Variants in DIDO1 observed in about 807,000 individuals in gnomAD.
DIDO1 encodes the protein death inducer-obliterator 1, also known as death-inducer obliterator 1.
Under a neutral mutation model 99.4 loss-of-function variants are expected in DIDO1, and 16 were observed. That is an observed-to-expected ratio of 0.16 (90% CI 0.11 to 0.24). The LOEUF (loss-of-function observed/expected upper bound fraction) is 0.24, where lower values mean the gene tolerates loss of function less well. Ranked by LOEUF, DIDO1 falls within the 10% of genes least tolerant of loss-of-function variation. The pLI, the probability that DIDO1 is intolerant of heterozygous loss-of-function variation, is 1.00. For missense variants in DIDO1, 2,996 were observed against 3,014.0 expected (o/e 0.99, Z 0.14); for synonymous variants, 1,366 against 1,239.1 (o/e 1.10, Z -2.15).
chr20:62,884,894 C>T (rs776300983), intron 15 of DIDO1, among the ~76,000 whole-genome samples: 20 of 152,164 alleles, frequency 1.3e-4, no homozygotes, highest in Non-Finnish European at 2.2e-4. Flanking sequence ...GAAAACCAGC[C>T]GGGCCACACC....
intron 6 of DIDO1, among the ~76,000 whole-genome samples, chr20:62,901,569 G>T (rs543302587): frequency 6.6e-6 from 1 of 152,176 alleles, no homozygotes; most frequent in South Asian, 2.1e-4. Flanking sequence ...ACCCTCCCCT[G>T]TAATCCCTCC....
rs371953164 is a variant in DIDO1 at position 62,894,403 on chromosome 20, C to T, written c.2572+10G>A. 1.1e-4 allele frequency: 173 copies of T among 1,610,666 alleles called. 5 individuals are homozygous for T. The African/African-American group carries it at 1.6e-3, about 15-fold the overall frequency. ...CAGCTCCAAGGCTCCATCCCCTGCACTGTGCTCACCTGTGCAAATTTTACA... is the reference window on the plus strand; with the variant it reads ...CAGCTCCAAGGCTCCATCCCCTGCATTGTGCTCACCTGTGCAAATTTTACA... On this transcript the variant is annotated intron_variant, in intron 11 of 15. Coordinates refer to ENST00000395343, the MANE Select transcript of DIDO1 (RefSeq NM_001193369.2). The surrounding 1 kb of genome is among the most constrained non-coding windows in gnomAD (Gnocchi z 4.4).
upstream of DIDO1, chr20:62,929,134 A>C (rs903272704): frequency 2.6e-5 from 4 of 152,238 alleles, no homozygotes; most frequent in African/African-American, 9.6e-5. Flanking sequence ...AAAGCGAAGG[A>C]GCACCAGCGC....
intron 6 of DIDO1, 136 bp from the exon 7 acceptor site, chr20:62,897,132 G>T: frequency 1.2e-6 from 1 of 802,510 alleles, no homozygotes; most frequent in Non-Finnish European, 1.9e-6. Context: ...TAGAGAAAAG[G>T]ATTTGTAAAA....
intron 15 of DIDO1, chr20:62,889,351 G>A: frequency 1.0e-6 from 1 of 970,156 alleles, no homozygotes; most frequent in Non-Finnish European, 1.2e-6. Flanking sequence ...ATGCGCCGGG[G>A]CTCGCTCAAC....
At chr20:62,887,760 G>T in intron 15 of DIDO1, 1 of 985,514 alleles carries the variant, frequency 1.0e-6, no homozygotes, top group African/African-American at 1.7e-5. Context: ...CCTGAGACAG[G>T]CCGGGACTCT....
intron 8 of DIDO1, among the ~76,000 whole-genome samples, chr20:62,895,836 G>C (rs80328331): frequency 1.3e-5 from 2 of 152,320 alleles, no homozygotes; most frequent in African/African-American, 2.4e-5. Context: ...CGGCTGATGA[G>C]GAATATGAGA....
intron 1 of DIDO1, among the ~76,000 whole-genome samples, chr20:62,914,997 A>G (rs1394327861): frequency 6.6e-6 from 1 of 152,206 alleles, no homozygotes; most frequent in African/African-American, 2.4e-5. Context: ...AACCAGTCAC[A>G]TCACAACACT....
At position 62,896,878 on chromosome 20, in the gene DIDO1, C is replaced by A; in HGVS notation, c.1707G>T (p.Lys569Asn). The change falls in exon 7 of 16, where the codon AAG becomes AAT. Residue 569 changes from lysine to asparagine, a missense_variant. Lys to Asn is a moderately conservative substitution (Grantham distance 94). Transcript: ENST00000395343. This position sits in a 1 kb window ranked among gnomAD's most constrained non-coding sequence, Gnocchi z 4.4. ...KQPAPRNLVPKKSSFANVAAA... is the reference protein window; with the variant it reads ...KQPAPRNLVPNKSSFANVAAA... ...CTGCCACATTAGCAAAAGAAGACTT[C>A]TTTGGCACGAGGTTTCTAGGTGCAG... is the stretch of plus-strand genomic sequence containing the variant. 6.2e-7 allele frequency: 1 copy of A among 1,614,170 alleles called. No individual in the cohort carries two copies. Among genetic ancestry groups the A allele is most frequent in the Non-Finnish European group, 8.5e-7 (1 of 1,180,032 alleles).
Position 62,912,969 on chromosome 20 carries a change from T to C in DIDO1, c.-3+1241A>G, listed in dbSNP as rs539320455. Among the ~76,000 whole-genome samples, 5 of 152,082 alleles carry C rather than the reference T, an allele frequency of 3.3e-5. No homozygotes were observed. In the South Asian group the frequency reaches 6.2e-4, roughly 19 times the overall value. On this transcript the variant is annotated intron_variant, in intron 2 of 15. Transcript: ENST00000395343. ...ATTGCTTGAATCCAGGAGGTGGAGG[T>C]TGCAGTAAGCCGAGATCGCACCACT...
rs753618759 is a variant in DIDO1 at position 62,905,966 on chromosome 20, C to T, written c.1509G>A (p.Pro503=). Residue 503 remains proline (P), a synonymous_variant, in exon 6 of 16, where the codon CCG becomes CCA. Transcript: ENST00000395343. ...TGTAATTGTGATCGCTCGCCCACGA[C>T]GGCGTGCTGCTCTCACAAGCTGCTT... The part of the protein sequence containing the change: ...GKEAACESST[P]SWASDHNYNA... 1.1e-5 allele frequency: 17 copies of T among 1,613,966 alleles called. No homozygotes were observed. The highest frequency in any genetic ancestry group is 3.3e-5 in the Admixed American group (2 of 60,008).
At position 62,894,932 on chromosome 20, in the gene DIDO1, A is replaced by C; in HGVS notation, c.2332-18T>G. 1 of 1,611,650 alleles carries C rather than the reference A, an allele frequency of 6.2e-7. No homozygotes were observed. Among genetic ancestry groups the C allele is most frequent in the Non-Finnish European group, 8.5e-7 (1 of 1,178,624 alleles). The stretch of plus-strand genomic sequence containing the variant: ...TCCATCACCTGAAATGAAAAAGACG[A>C]AACAGAGCTTAGGCCTTGTTTTCTA... On this transcript the variant is annotated intron_variant, in intron 9 of 15. Transcript: ENST00000395343. The surrounding 1 kb of genome is among the most constrained non-coding windows in gnomAD (Gnocchi z 4.4).
intron 15 of DIDO1, chr20:62,889,611 G>A: frequency 1.0e-6 from 1 of 985,410 alleles, no homozygotes; most frequent in South Asian, 4.7e-5. Flanking sequence ...GTGCGGAGAG[G>A]CCAGCTTCTC....
chr20:62,919,348 G>C (rs918973768), intron 1 of DIDO1, among the ~76,000 whole-genome samples: 3 of 152,258 alleles, frequency 2.0e-5, no homozygotes, highest in South Asian at 2.1e-4. Flanking sequence ...AGACCAGCCT[G>C]GCCAACATGG....
Position 62,881,296 on chromosome 20 carries a change from C to A in DIDO1, c.4660G>T (p.Ala1554Ser), listed in dbSNP as rs1377072780. The A allele has an allele frequency of 2.5e-6, 4 of 1,605,040 alleles. No homozygotes were observed. Among genetic ancestry groups the A allele is most frequent in the Middle Eastern group, 1.7e-4 (1 of 6,060 alleles). The change falls in exon 16 of 16, where the codon GCG (alanine) becomes TCG (serine). Residue 1554 changes from alanine to serine, a missense_variant. This residue lies in a region of DIDO1 where 1,562 missense variants were observed against 1,412.6 expected (regional missense o/e 1.11). Coordinates refer to ENST00000395343, the MANE Select transcript of DIDO1 (RefSeq NM_001193369.2). The surrounding 1 kb of genome is among the most constrained non-coding windows in gnomAD (Gnocchi z 8.3). ...KPASLPPASQ[A>S]SNHRDPRQAR... ...TGCCGGGGGTCCCTGTGGTTTGACG[C>A]CTGGCTGGCGGGGGGCAGTGAGGCG...
At position 62,879,686 on chromosome 20, in the gene DIDO1, C is replaced by T; in HGVS notation, c.6270G>A (p.Arg2090=). 1 of 1,610,496 alleles carries T rather than the reference C, an allele frequency of 6.2e-7. No individual in the cohort carries two copies. The part of the protein sequence containing the change: ...NQTFEGRQRE[R]FDVGPKEKPL... ...GCTTCTCTTTGGGCCCCACGTCAAACCGCTCTCTCTGCCTCCCTTCGAAAG... is the reference window on the plus strand; with the variant it reads ...GCTTCTCTTTGGGCCCCACGTCAAATCGCTCTCTCTGCCTCCCTTCGAAAG... Residue 2090 remains arginine (R), a synonymous_variant, in exon 16 of 16, where the codon CGG becomes CGA. Coordinates refer to ENST00000395343, the MANE Select transcript of DIDO1 (RefSeq NM_001193369.2). The surrounding 1 kb of genome is among the most constrained non-coding windows in gnomAD (Gnocchi z 6.3).
In DIDO1 at chr20:62,881,113, C is replaced by T. The variant is rs1285669384; in HGVS notation, c.4843G>A (p.Ala1615Thr). 6.2e-7 allele frequency: 1 copy of T among 1,609,340 alleles called. No homozygotes were observed. Among genetic ancestry groups the T allele is most frequent in the East Asian group, 2.2e-5 (1 of 44,854 alleles). Reference protein sequence around the residue: ...PMPVPEEKEPASSPWASGEKP... With the variant: ...PMPVPEEKEPTSSPWASGEKP... ...TCGCCCGAAGCCCAGGGGGAAGAGG[C>T]TGGCTCTTTTTCCTCCGGGACTGGC... The change falls in exon 16 of 16, where the codon GCC becomes ACC. Residue 1615 changes from alanine (A) to threonine (T), a missense_variant. By Grantham distance (58) the Ala-to-Thr change is moderately conservative. Transcript: ENST00000395343. The surrounding 1 kb of genome is among the most constrained non-coding windows in gnomAD (Gnocchi z 8.3).
rs2064207063 is a variant in DIDO1, at chr20:62,881,582, C to T, written c.4374G>A (p.Glu1458=). 6.2e-7 allele frequency: 1 copy of T among 1,611,598 alleles called. No individual in the cohort carries two copies. The part of the protein sequence containing the change: ...MCADVRRNSV[E]RPAEPVAGAA... Reference sequence around the variant, plus strand: ...CCCCGGCCACCGGCTCGGCAGGCCTCTCCACGGAGTTCCTTCTCACGTCGG... The same window carrying T: ...CCCCGGCCACCGGCTCGGCAGGCCTTTCCACGGAGTTCCTTCTCACGTCGG... Residue 1458 remains glutamate (E), a synonymous_variant, in exon 16 of 16, where the codon GAG becomes GAA. Coordinates refer to ENST00000395343, the MANE Select transcript of DIDO1 (RefSeq NM_001193369.2). This position sits in a 1 kb window ranked among gnomAD's most constrained non-coding sequence, Gnocchi z 8.3.
At chr20:62,908,168 T>TG (rs778782650) in intron 4 of DIDO1, among the ~76,000 whole-genome samples, 39 of 152,040 alleles carry the variant, frequency 2.6e-4, no homozygotes, top group African/African-American at 8.2e-4. Flanking sequence ...TTTGTAGAGA[T>TG]GGGGGTCTCA....
Sources: gnomAD v4.1 joint callset for allele counts (sites outside exome capture counted in the v4.1 genomes callset) on GRCh38, gnomAD v4.1.1 for gene constraint, gnomAD v4.1.1 regional missense constraint, Gnocchi (gnomAD v3.1) non-coding constraint, MANE v1.5 for transcripts, NCBI Gene and HGNC (gene_info 2026-07-23, HGNC 2026-07-21) for gene names.